The following ALOX5AP variants were observed in gnomAD, a reference collection of about 807,000 sequenced individuals.
ALOX5AP encodes arachidonate 5-lipoxygenase-activating protein.
A neutral mutation model predicts 18.5 loss-of-function variants in ALOX5AP; 9 were observed. The observed-to-expected ratio is 0.49, with a 90% confidence interval of 0.29 to 0.85. ALOX5AP has a LOEUF of 0.85. Ranked by LOEUF, ALOX5AP falls within the 40% of genes least tolerant of loss-of-function variation. The pLI is 0.08. For synonymous variants in ALOX5AP, 81 were observed against 78.6 expected, an observed-to-expected ratio of 1.03 and a Z score of -0.16; for missense variants, 172 against 202.5, an observed-to-expected ratio of 0.85 and a Z score of 0.91.
upstream of ALOX5AP, chr13:30,735,459 AGG>A: frequency 9.3e-7 from 1 of 1,073,712 alleles, no homozygotes; most frequent in Non-Finnish European, 1.2e-6. Context: ...AAAAAAAAAA[AGG>A]AAGAAGAAGG....
chr13:30,729,707 G>T (rs1216430415), intron 1 of ALOX5AP, among the ~76,000 whole-genome samples: 3 of 152,080 alleles, frequency 2.0e-5, no homozygotes, highest in Non-Finnish European at 4.4e-5. Flanking sequence ...CTCCCGAGGG[G>T]CTGGGATTGT....
chr13:30,735,767 G>GCA, intron 1 of ALOX5AP, 92 bp downstream of exon 1: 3 of 1,412,230 alleles, frequency 2.1e-6, no homozygotes, highest in East Asian at 2.3e-5. Context: ...GTGTCTGTGT[G>GCA]TGCGCATGCA....
intron 3 of ALOX5AP, among the ~76,000 whole-genome samples, chr13:30,754,965 G>A (rs776912914): frequency 8.4e-4 from 128 of 152,400 alleles, no homozygotes; most frequent in Non-Finnish European, 1.4e-3. Flanking sequence ...AATGGCGGAA[G>A]TGTTTAAATT....
chr13:30,725,876 G>C (rs1593428352), intron 1 of ALOX5AP, among the ~76,000 whole-genome samples: 1 of 152,184 alleles, frequency 6.6e-6, no homozygotes, highest in Non-Finnish European at 1.5e-5. Flanking sequence ...ACAGTGGAAT[G>C]GATTTTAAAG....
At chr13:30,753,471 G>A (rs376671435) in intron 3 of ALOX5AP, among the ~76,000 whole-genome samples, 7 of 152,190 alleles carry the variant, frequency 4.6e-5, no homozygotes, top group African/African-American at 1.7e-4. Context: ...AAGGTGTTTC[G>A]TAGCCCTGGA....
At chr13:30,755,817 G>A (rs1472351647) in intron 3 of ALOX5AP, 127 bp from the exon 4 acceptor site, 1 of 827,662 alleles carries the variant, frequency 1.2e-6, no homozygotes, top group Non-Finnish European at 2.0e-6. Context: ...TCTAGCCCTT[G>A]GGCTCTTTTC....
At chr13:30,733,731 AC>A (rs780056803), upstream of ALOX5AP, among the ~76,000 whole-genome samples, 1 of 152,160 alleles carries the variant, frequency 6.6e-6, no homozygotes. Flanking sequence ...TCATCAATCC[AC>A]TGAGGGCCTG....
intron 2 of ALOX5AP, among the ~76,000 whole-genome samples, chr13:30,746,691 AC>A (rs2137816179): frequency 6.6e-6 from 1 of 152,328 alleles, no homozygotes; most frequent in Non-Finnish European, 1.5e-5. Context: ...TTGCAAGATG[AC>A]CCATGAGGCT....
At chr13:30,723,576 C>T (rs776520251) in intron 1 of ALOX5AP, among the ~76,000 whole-genome samples, 3 of 152,192 alleles carry the variant, frequency 2.0e-5, no homozygotes, top group Admixed American at 1.3e-4. Context: ...GAGTTTTCCA[C>T]CATTCAATAT....
At chr13:30,752,482 C>G (rs1260601496) in intron 3 of ALOX5AP, among the ~76,000 whole-genome samples, 1 of 152,226 alleles carries the variant, frequency 6.6e-6, no homozygotes, top group Non-Finnish European at 1.5e-5. Context: ...TCACTTGGCT[C>G]TTCTGCTAAT....
chr13:30,728,883 A>T (rs550868053), intron 1 of ALOX5AP, among the ~76,000 whole-genome samples: 1 of 151,962 alleles, frequency 6.6e-6, no homozygotes, highest in East Asian at 1.9e-4. Flanking sequence ...AAACTGTCAA[A>T]CTCTTCCCAA....
At chr13:30,716,457 C>T (rs1013478236) in intron 1 of ALOX5AP, among the ~76,000 whole-genome samples, 2 of 152,150 alleles carry the variant, frequency 1.3e-5, no homozygotes, top group Non-Finnish European at 2.9e-5. Flanking sequence ...CGCACTTGGA[C>T]CTGTAGAATC....
intron 4 of ALOX5AP, among the ~76,000 whole-genome samples, chr13:30,759,951 T>C (rs1354629555): frequency 6.6e-6 from 1 of 152,228 alleles, no homozygotes; most frequent in Non-Finnish European, 1.5e-5. Context: ...ACACATTCTT[T>C]AGGTGATTCT....
chr13:30,761,960 C>A (rs1010291636), intron 4 of ALOX5AP, among the ~76,000 whole-genome samples: 11 of 152,204 alleles, frequency 7.2e-5, no homozygotes, highest in East Asian at 5.8e-4. Context: ...GCCCACAACA[C>A]CCTCTTTTGG....
Position 30,726,777 on chromosome 13 carries a change from C to A in ALOX5AP, c.117-8774C>A, listed in dbSNP as rs182494564. Among the ~76,000 whole-genome samples, 37 of 152,126 alleles carry A rather than the reference C, an allele frequency of 2.4e-4. 1 individual carries two copies. The highest frequency in any genetic ancestry group is 8.2e-4 in the African/African-American group (34 of 41,504). ...GAACTCCTGGGCTCAACTGATTCTA[C>A]CATTTAGTCCTCCGAGTAGCTGGGA... On this transcript the variant is annotated intron_variant, in intron 1 of 5. Transcript: ENST00000617770.
At chr13:30,735,407 C>T, upstream of ALOX5AP, 4 of 1,224,450 alleles carry the variant, frequency 3.3e-6, no homozygotes, top group African/African-American at 1.6e-5. Context: ...CACACTGAAC[C>T]ACAGCCAGGG....
chr13:30,727,473 A>AT (rs1462773190), intron 1 of ALOX5AP, among the ~76,000 whole-genome samples: 1 of 152,148 alleles, frequency 6.6e-6, no homozygotes, highest in Non-Finnish European at 1.5e-5. Flanking sequence ...GTTTCCCCAA[A>AT]TTCACTTTTC....
Position 30,736,174 on chromosome 13 carries a change from C to T in ALOX5AP, c.70+499C>T, listed in dbSNP as rs1319038881. Among the ~76,000 whole-genome samples, 4 of 151,332 alleles carry T rather than the reference C, an allele frequency of 2.6e-5. No individual in the cohort carries two copies. The East Asian group carries it at 7.7e-4, about 29-fold the overall frequency. On this transcript the variant is annotated intron_variant, in intron 1 of 4. Coordinates refer to ENST00000380490, the MANE Select transcript of ALOX5AP (RefSeq NM_001629.4). ...ATCTTATTATTTTTCCTCTATATTACTTTTTTCTTTTTTTCTCCTGAAGAA... is the reference window on the plus strand; with the variant it reads ...ATCTTATTATTTTTCCTCTATATTATTTTTTTCTTTTTTTCTCCTGAAGAA...
At chr13:30,748,260 A>G (rs1951825109) in intron 2 of ALOX5AP, among the ~76,000 whole-genome samples, 1 of 152,180 alleles carries the variant, frequency 6.6e-6, no homozygotes. Context: ...AAAATTATTT[A>G]AAGGTGATAG....
Sources: gnomAD v4.1 joint callset for allele counts (sites outside exome capture counted in the v4.1 genomes callset) on GRCh38, gnomAD v4.1.1 for gene constraint, MANE v1.5 for transcripts, NCBI Gene and HGNC (gene_info 2026-07-23, HGNC 2026-07-21) for gene names.